INSC: variants seen among roughly 807,000 people sequenced by gnomAD.
INSC encodes INSC spindle orientation adaptor protein, also known as protein inscuteable homolog.
A neutral mutation model predicts 58.6 loss-of-function variants in INSC; 67 were observed. The ratio of observed to expected loss-of-function variants is 1.14; its 90% CI spans 0.94 to 1.40. The LOEUF is 1.40. Among genes scored for constraint, INSC ranks in the 40% most tolerant of loss-of-function variants. The probability of loss-of-function intolerance (pLI) is 0.00; values close to 1 mark genes in which losing one functional copy is unlikely to be tolerated. For synonymous variants in INSC, 262 were observed against 276.1 expected (o/e 0.95, Z 0.51); for missense variants, 714 against 692.0 (o/e 1.03, Z -0.36).
At chr11:15,199,677 G>A (rs543740489) in intron 6 of INSC, among the ~76,000 whole-genome samples, 100 of 152,228 alleles carry the variant, frequency 6.6e-4, no homozygotes, top group African/African-American at 2.3e-3. Flanking sequence ...TTTGGGAACC[G>A]GTACAATGAG....
At chr11:15,177,447 G>T (rs1849611362) in intron 4 of INSC, among the ~76,000 whole-genome samples, 1 of 152,120 alleles carries the variant, frequency 6.6e-6, no homozygotes, top group Non-Finnish European at 1.5e-5. Flanking sequence ...CCACAGCTTT[G>T]GGAAGACCCA....
At chr11:15,245,843 G>C (rs907963375) in intron 12 of INSC, 69 bp from the exon 13 acceptor site, 2 of 1,552,310 alleles carry the variant, frequency 1.3e-6, no homozygotes, top group African/African-American at 2.7e-5. Context: ...TTTCAGGGTA[G>C]GTGAAGGAAA....
At chr11:15,149,996 A>T (rs1257426358) in intron 2 of INSC, among the ~76,000 whole-genome samples, 2 of 152,250 alleles carry the variant, frequency 1.3e-5, no homozygotes, top group African/African-American at 4.8e-5. Flanking sequence ...AGACTGACTT[A>T]ACATCAGGAA....
intron 1 of INSC, among the ~76,000 whole-genome samples, chr11:15,120,304 G>A (rs746451444): frequency 6.6e-6 from 1 of 152,176 alleles, no homozygotes; most frequent in Non-Finnish European, 1.5e-5. Flanking sequence ...AATATCCCGG[G>A]CTTCAAGTAG....
intron 2 of INSC, among the ~76,000 whole-genome samples, chr11:15,153,387 C>G (rs1042211446): frequency 6.6e-6 from 1 of 152,188 alleles, no homozygotes; most frequent in Non-Finnish European, 1.5e-5. Context: ...AACCAGCTTC[C>G]CTGAGCCAGT....
chr11:15,159,001 T>C (rs960124795), intron 2 of INSC, among the ~76,000 whole-genome samples: 15 of 151,782 alleles, frequency 9.9e-5, no homozygotes, highest in African/African-American at 2.7e-4. Context: ...ACCAGGAGAC[T>C]AGGTCTCCAG....
Position 15,239,042 on chromosome 11 carries a change from C to A in INSC, c.1361C>A (p.Pro454Gln). The change falls in exon 11 of 13, where the codon CCA (proline) becomes CAA (glutamine). Residue 454 changes from proline to glutamine, a missense_variant. By Grantham distance (76) the Pro-to-Gln change is moderately conservative. Coordinates refer to ENST00000379556, the MANE Select transcript of INSC (RefSeq NM_001042536.3). ...AVTLARLSRD[P>Q]DVAREAVRLS... ...ACCCTGGCTCGTCTCAGCCGAGACC[C>A]AGATGTGGCACGGGAGGCCGTGCGG... 1 of 1,613,956 alleles carries A rather than the reference C, an allele frequency of 6.2e-7. No individual in the cohort carries two copies. Among genetic ancestry groups the A allele is most frequent in the Non-Finnish European group, 8.5e-7 (1 of 1,179,934 alleles).
chr11:15,147,330 T>C lies in INSC; in HGVS notation c.-45-1800T>C, dbSNP rs1267967900. ...ATGGTGATAACATGCTTGTTGAGCC[T>C]CTCGCTGTGCTAAGTGTGTGACCTG... On this transcript the variant is annotated intron_variant, in intron 1 of 12. Transcript: ENST00000379556. Among the ~76,000 whole-genome samples the C allele has an allele frequency of 2.6e-5, 4 of 152,336 alleles. No individual in the cohort carries two copies. The East Asian group carries it at 7.7e-4, about 29-fold the overall frequency.
chr11:15,254,027 A>G, the INSC span, among the ~76,000 whole-genome samples: 1 of 152,184 alleles, frequency 6.6e-6, no homozygotes, highest in South Asian at 2.1e-4. Context: ...CAAAGTATGG[A>G]GCTAATGCTG....
At chr11:15,112,594 GT>G, upstream of INSC, 1 of 111,874 alleles carries the variant, frequency 8.9e-6, no homozygotes, top group African/African-American at 2.2e-4. Flanking sequence ...GGATGTGAGT[GT>G]GTGTGTGTGT....
At chr11:15,162,791 G>T (rs906598246) in intron 2 of INSC, among the ~76,000 whole-genome samples, 1 of 152,168 alleles carries the variant, frequency 6.6e-6, no homozygotes, top group Non-Finnish European at 1.5e-5. Flanking sequence ...CTGTATGGAT[G>T]CTGGGAGTGC....
chr11:15,235,931 C>T (rs1458844629), intron 10 of INSC, among the ~76,000 whole-genome samples: 2 of 151,820 alleles, frequency 1.3e-5, no homozygotes, highest in Non-Finnish European at 2.9e-5. Flanking sequence ...TGGTGGGCGC[C>T]TGTAATCTCA....
At chr11:15,179,924 T>A (rs1363236005) in intron 5 of INSC, among the ~76,000 whole-genome samples, 2 of 152,188 alleles carry the variant, frequency 1.3e-5, no homozygotes, top group Non-Finnish European at 2.9e-5. Flanking sequence ...TTATGCCATT[T>A]TTGTGACCAC....
At chr11:15,240,624 A>C in intron 12 of INSC, 101 bp downstream of exon 12, 1 of 850,276 alleles carries the variant, frequency 1.2e-6, no homozygotes, top group East Asian at 2.6e-5. Flanking sequence ...AGTAAGCCAT[A>C]AAACCTCTCT....
the INSC span, among the ~76,000 whole-genome samples, chr11:15,264,404 C>T: frequency 1.4e-5 from 2 of 145,794 alleles, no homozygotes; most frequent in East Asian, 4.1e-4. Flanking sequence ...CTGGATACTC[C>T]AAGGTACTCT....
At position 15,197,377 on chromosome 11, in the gene INSC, G is replaced by T. The variant is rs1850411276; in HGVS notation, c.694-3447G>T. On this transcript the variant is annotated intron_variant, in intron 6 of 12. Coordinates refer to ENST00000379556, the MANE Select transcript of INSC (RefSeq NM_001042536.3). ...TTCCTGAATCTTCTCTCTGGGAGAA[G>T]ATGGGAGACTAATTCCTCCCATAGA... 2.6e-5 allele frequency among the ~76,000 whole-genome samples: 4 copies of T among 152,172 alleles called. No homozygotes were observed. The South Asian group carries it at 8.3e-4, about 32-fold the overall frequency.
chr11:15,168,074 C>A (rs1312718113), intron 2 of INSC, among the ~76,000 whole-genome samples: 2 of 152,146 alleles, frequency 1.3e-5, no homozygotes. Context: ...TATGTTAAGG[C>A]TGCCTCATCC....
intron 7 of INSC, among the ~76,000 whole-genome samples, chr11:15,206,888 C>T (rs766690064): frequency 6.6e-6 from 1 of 152,210 alleles, no homozygotes; most frequent in Non-Finnish European, 1.5e-5. Context: ...TTCCTCCTCC[C>T]ATGCCCATTT....
chr11:15,120,131 T>A (rs536564136), intron 1 of INSC, among the ~76,000 whole-genome samples: 60 of 152,302 alleles, frequency 3.9e-4, no homozygotes, highest in South Asian at 2.1e-4. Context: ...CTCTCACTTC[T>A]CTGCATTTTC....
Sources: gnomAD v4.1 joint callset for allele counts (sites outside exome capture counted in the v4.1 genomes callset) on GRCh38, gnomAD v4.1.1 for gene constraint, MANE v1.5 for transcripts, NCBI Gene and HGNC (gene_info 2026-07-23, HGNC 2026-07-21) for gene names.